The following RANBP17 variants were observed in gnomAD, a reference collection of about 807,000 sequenced individuals.
RANBP17 encodes the protein RAN binding protein 17.
In RANBP17, 158 loss-of-function variants were observed where a neutral mutation model predicts 141.2. The observed-to-expected ratio is 1.12, with a 90% CI of 0.98 to 1.28. The LOEUF is 1.28. RANBP17 is among the 50% of genes most tolerant of loss of function. The pLI is 0.00. For missense variants in RANBP17, 1,438 were observed against 1,290.7 expected (o/e 1.11, Z -1.75); for synonymous variants, 430 against 450.0 (o/e 0.96, Z 0.56).
chr5:170,892,505 C>T lies in RANBP17; in HGVS notation c.375C>T (p.Asp125=), dbSNP rs1307599295. The T allele has an allele frequency of 6.2e-7, 1 of 1,613,602 alleles. No individual in the cohort carries two copies. The highest frequency in any genetic ancestry group is 8.5e-7 in the Non-Finnish European group (1 of 1,179,846). The change falls in exon 4 of 28, where the codon GAC becomes GAT. Residue 125 remains aspartate, a synonymous_variant. Transcript: ENST00000523189. Reference sequence around the variant, plus strand: ...TGGGGTGGTTTGAGGTTCAGAAAGACCAATTTGTCTTCAGAGAAATTATTG... The same window carrying T: ...TGGGGTGGTTTGAGGTTCAGAAAGATCAATTTGTCTTCAGAGAAATTATTG... ...TKLGWFEVQK[D]QFVFREIIAD...
At chr5:170,902,676 G>A (rs184899908) in intron 5 of RANBP17, among the ~76,000 whole-genome samples, 21 of 152,324 alleles carry the variant, frequency 1.4e-4, no homozygotes, top group African/African-American at 5.1e-4. Context: ...TTTGGTCTTT[G>A]ATGTTGGTGA....
intron 18 of RANBP17, among the ~76,000 whole-genome samples, chr5:171,186,299 G>GAT (rs1761230552): frequency 6.6e-6 from 1 of 152,138 alleles, no homozygotes; most frequent in African/African-American, 2.4e-5. Flanking sequence ...GTCTTAGCTA[G>GAT]ATCTTCAGTA....
chr5:171,197,852 C>T (rs1350393759), intron 18 of RANBP17, among the ~76,000 whole-genome samples: 1 of 152,100 alleles, frequency 6.6e-6, no homozygotes, highest in Non-Finnish European at 1.5e-5. Context: ...TCCTGGCTAA[C>T]ACGGTGAAAC....
chr5:171,133,270 A>G (rs528494078), intron 14 of RANBP17, among the ~76,000 whole-genome samples: 16 of 152,158 alleles, frequency 1.1e-4, no homozygotes, highest in Non-Finnish European at 1.9e-4. Flanking sequence ...TACACATATT[A>G]TTTGCTTATA....
At chr5:170,957,195 TTTA>T in intron 13 of RANBP17, among the ~76,000 whole-genome samples, 1 of 152,158 alleles carries the variant, frequency 6.6e-6, no homozygotes, top group East Asian at 1.9e-4. Context: ...ATATTAGTTT[TTTA>T]TTTAAGCAGC....
intron 14 of RANBP17, among the ~76,000 whole-genome samples, chr5:171,147,820 C>G (rs925599045): frequency 1.4e-4 from 22 of 152,304 alleles, no homozygotes; most frequent in African/African-American, 5.1e-4. Flanking sequence ...TGAGGGGTGC[C>G]TCTGCCCGGC....
intron 18 of RANBP17, among the ~76,000 whole-genome samples, chr5:171,189,514 G>A (rs1423109680): frequency 6.6e-6 from 1 of 152,180 alleles, no homozygotes; most frequent in Non-Finnish European, 1.5e-5. Context: ...CTTGTTGAAT[G>A]AATGACAAAC....
chr5:171,236,092 G>A (rs539574923), intron 22 of RANBP17, among the ~76,000 whole-genome samples: 1 of 152,234 alleles, frequency 6.6e-6, no homozygotes, highest in Non-Finnish European at 1.5e-5. Context: ...TATGTCCAGA[G>A]ACCTTGCTGG....
At chr5:171,213,525 T>C in intron 20 of RANBP17, 106 bp from the exon 21 acceptor site, 2 of 781,700 alleles carry the variant, frequency 2.6e-6, no homozygotes, top group Non-Finnish European at 2.2e-6. Context: ...AGTATAAATA[T>C]AGAACAAATG....
intron 14 of RANBP17, among the ~76,000 whole-genome samples, chr5:171,074,737 T>C (rs1784817733): frequency 6.6e-6 from 1 of 152,218 alleles, no homozygotes; most frequent in South Asian, 2.1e-4. Flanking sequence ...CTTTGTCCAT[T>C]TTTTAGGTTA....
At chr5:171,228,371 A>G (rs1022919916) in intron 22 of RANBP17, among the ~76,000 whole-genome samples, 3 of 152,230 alleles carry the variant, frequency 2.0e-5, no homozygotes, top group Admixed American at 2.0e-4. Flanking sequence ...CAAGAGACCT[A>G]TAATTAGAAG....
At chr5:171,020,051 G>A (rs540711793) in intron 14 of RANBP17, among the ~76,000 whole-genome samples, 2 of 152,254 alleles carry the variant, frequency 1.3e-5, no homozygotes, top group South Asian at 2.1e-4. Flanking sequence ...TCAGGAGCAG[G>A]TTGTTCAGTT....
intron 14 of RANBP17, among the ~76,000 whole-genome samples, chr5:170,969,962 T>TA (rs1776868930): frequency 6.6e-6 from 1 of 151,946 alleles, no homozygotes; most frequent in Admixed American, 6.6e-5. Flanking sequence ...AGAGTGAAAC[T>TA]AAATCTTCCT....
chr5:171,026,422 G>A (rs950788396), intron 14 of RANBP17, among the ~76,000 whole-genome samples: 7 of 152,054 alleles, frequency 4.6e-5, no homozygotes, highest in Admixed American at 6.5e-5. Context: ...TGTATGTTGC[G>A]CCTTCTAACC....
intron 14 of RANBP17, among the ~76,000 whole-genome samples, chr5:170,977,588 A>G (rs376572231): frequency 3.9e-5 from 6 of 152,058 alleles, no homozygotes; most frequent in Non-Finnish European, 8.8e-5. Flanking sequence ...GTGGAAAAAA[A>G]TTTGCATGTC....
Position 170,892,478 on chromosome 5 carries a change from G to C in RANBP17, c.348G>C (p.Lys116Asn). The C allele has an allele frequency of 6.2e-7, 1 of 1,614,044 alleles. No individual in the cohort carries two copies. Among genetic ancestry groups the C allele is most frequent in the East Asian group, 2.2e-5 (1 of 44,874 alleles). ...ALIQVIAKIT[K>N]LGWFEVQKDQ... ...TTCAAGTCATTGCTAAAATCACTAA[G>C]TTGGGGTGGTTTGAGGTTCAGAAAG... Residue 116 changes from lysine to asparagine, a missense_variant, in exon 4 of 28, where the codon AAG becomes AAC. Coordinates refer to ENST00000523189, the MANE Select transcript of RANBP17 (RefSeq NM_022897.5).
At chr5:171,187,490 A>G (rs932417324) in intron 18 of RANBP17, among the ~76,000 whole-genome samples, 1 of 152,132 alleles carries the variant, frequency 6.6e-6, no homozygotes, top group African/African-American at 2.4e-5. Context: ...AAAACAAGGT[A>G]TGCCTGTCTA....
chr5:171,252,317 C>G (rs769701002), intron 24 of RANBP17: 1 of 1,547,310 alleles, frequency 6.5e-7, no homozygotes, highest in African/African-American at 1.4e-5. Context: ...ACCCCAGACC[C>G]AATGCGGGTT....
chr5:171,107,793 C>A (rs924747958), intron 14 of RANBP17, among the ~76,000 whole-genome samples: 1 of 152,140 alleles, frequency 6.6e-6, no homozygotes, highest in Non-Finnish European at 1.5e-5. Flanking sequence ...AATAAAAAGA[C>A]CTTCTAGGAT....
Sources: gnomAD v4.1 joint callset for allele counts (sites outside exome capture counted in the v4.1 genomes callset) on GRCh38, gnomAD v4.1.1 for gene constraint, MANE v1.5 for transcripts, NCBI Gene and HGNC (gene_info 2026-07-23, HGNC 2026-07-21) for gene names.